SYT2: variants seen among roughly 807,000 people sequenced by gnomAD.
SYT2 encodes synaptotagmin-2.
In SYT2, 15 loss-of-function variants were observed where a neutral mutation model predicts 39.9. The ratio of observed to expected loss-of-function variants is 0.38; its 90% CI spans 0.25 to 0.58. The LOEUF (loss-of-function observed/expected upper bound fraction) is 0.58, where lower values mean the gene tolerates loss of function less well. Among genes scored for constraint, SYT2 ranks in the 20% least tolerant of loss-of-function variants. SYT2 has a pLI of 0.70. For missense variants in SYT2, 389 were observed against 530.3 expected (o/e 0.73, Z 2.62); for synonymous variants, 181 against 204.5 (o/e 0.89, Z 0.98).
At chr1:202,649,437 TA>T (rs1474297786) in intron 1 of SYT2, among the ~76,000 whole-genome samples, 2 of 152,244 alleles carry the variant, frequency 1.3e-5, no homozygotes, top group Non-Finnish European at 2.9e-5. Flanking sequence ...TGCCAGGTAC[TA>T]TTTTAAGGGT....
At chr1:202,697,265 C>A (rs1653995671) in intron 1 of SYT2, among the ~76,000 whole-genome samples, 1 of 152,244 alleles carries the variant, frequency 6.6e-6, no homozygotes, top group Admixed American at 6.5e-5. Context: ...AGTCCTGAGC[C>A]CAGCCGGTAA....
chr1:202,686,124 C>A (rs1273597919), intron 1 of SYT2, among the ~76,000 whole-genome samples: 1 of 152,124 alleles, frequency 6.6e-6, no homozygotes, highest in Non-Finnish European at 1.5e-5. Context: ...TGTGGCCTGG[C>A]GGGAGGTGTT....
intron 1 of SYT2, among the ~76,000 whole-genome samples, chr1:202,626,090 A>G (rs536371767): frequency 6.6e-6 from 1 of 152,292 alleles, no homozygotes; most frequent in East Asian, 1.9e-4. Flanking sequence ...GCTCCAGGGA[A>G]GGGAACGCTG....
chr1:202,659,167 C>T (rs1057404970), intron 1 of SYT2, among the ~76,000 whole-genome samples: 1 of 152,286 alleles, frequency 6.6e-6, no homozygotes, highest in African/African-American at 2.4e-5. Context: ...GTCTCCTTCC[C>T]TGGTGGAAGG....
intron 1 of SYT2, among the ~76,000 whole-genome samples, chr1:202,622,527 T>C (rs916974932): frequency 6.6e-6 from 1 of 151,950 alleles, no homozygotes; most frequent in African/African-American, 2.4e-5. Flanking sequence ...GCAACACTCA[T>C]TTTCCTTCTC....
At chr1:202,681,958 C>T (rs1299887776) in intron 1 of SYT2, among the ~76,000 whole-genome samples, 1 of 152,200 alleles carries the variant, frequency 6.6e-6, no homozygotes, top group Non-Finnish European at 1.5e-5. Context: ...AAAAAGCCAA[C>T]CATGGAGCTG....
intron 1 of SYT2, among the ~76,000 whole-genome samples, chr1:202,706,939 A>G (rs908364708): frequency 1.3e-5 from 2 of 152,254 alleles, no homozygotes; most frequent in African/African-American, 4.8e-5. Flanking sequence ...AAAACTGTGC[A>G]GACATTGTCA....
At chr1:202,679,398 C>A (rs1653470089) in intron 1 of SYT2, among the ~76,000 whole-genome samples, 1 of 152,176 alleles carries the variant, frequency 6.6e-6, no homozygotes, top group Non-Finnish European at 1.5e-5. Flanking sequence ...TTCTTTCCCT[C>A]AAATCAGGCC....
At chr1:202,697,713 G>A (rs759461024) in intron 1 of SYT2, among the ~76,000 whole-genome samples, 1 of 152,196 alleles carries the variant, frequency 6.6e-6, no homozygotes, top group Non-Finnish European at 1.5e-5. Context: ...AACTATGTGT[G>A]CTGATGAGTG....
intron 1 of SYT2, among the ~76,000 whole-genome samples, chr1:202,660,518 C>A (rs1456149694): frequency 6.6e-6 from 1 of 152,182 alleles, no homozygotes; most frequent in African/African-American, 2.4e-5. Flanking sequence ...CTGGAAACTT[C>A]CATAAAGTTC....
chr1:202,598,811 G>A (rs1690391295), intron 8 of SYT2, among the ~76,000 whole-genome samples: 1 of 152,160 alleles, frequency 6.6e-6, no homozygotes, highest in Admixed American at 6.5e-5. Context: ...GGAGTAGATG[G>A]GAAAGACCTA....
intron 1 of SYT2, among the ~76,000 whole-genome samples, chr1:202,699,684 A>G (rs550458267): frequency 6.6e-6 from 1 of 152,358 alleles, no homozygotes; most frequent in East Asian, 1.9e-4. Flanking sequence ...ATTATGATCT[A>G]TAAATTATAC....
At chr1:202,604,745 T>A in intron 2 of SYT2, 124 bp from the exon 3 acceptor site, 1 of 879,664 alleles carries the variant, frequency 1.1e-6, no homozygotes, top group South Asian at 1.8e-5. Context: ...CCCCACATTT[T>A]AAAAGCCACA....
intron 1 of SYT2, among the ~76,000 whole-genome samples, chr1:202,661,856 C>T (rs1692388974): frequency 6.6e-6 from 1 of 152,190 alleles, no homozygotes. Context: ...AAATCTAGTA[C>T]ATTTATTTCA....
rs189500202 is a variant in SYT2 at position 202,654,815 on chromosome 1, G to A, written c.-17-49026C>T. On this transcript the variant is annotated intron_variant, in intron 1 of 8. Transcript: ENST00000367268. ...GCTGGGCCAAAATTAACTAGGCAGC[G>A]AGGTGGGAAGTGTATTCCAGGCAGA... Among the ~76,000 whole-genome samples the A allele has an allele frequency of 1.1e-3, 174 of 152,312 alleles. 1 individual carries two copies. The highest frequency in any genetic ancestry group is 3.3e-3 in the African/African-American group (137 of 41,570).
intron 1 of SYT2, among the ~76,000 whole-genome samples, chr1:202,615,364 G>T (rs1691005322): frequency 6.6e-6 from 1 of 152,126 alleles, no homozygotes; most frequent in South Asian, 2.1e-4. Context: ...CCCAGTACAT[G>T]GCACCAGGTG....
chr1:202,658,194 T>C (rs573679497), intron 1 of SYT2, among the ~76,000 whole-genome samples: 3 of 151,942 alleles, frequency 2.0e-5, no homozygotes, highest in African/African-American at 7.2e-5. Flanking sequence ...TGCAGGTGGG[T>C]GGATGACAAA....
chr1:202,633,768 A>G (rs1390943124), intron 1 of SYT2, among the ~76,000 whole-genome samples: 3 of 152,222 alleles, frequency 2.0e-5, no homozygotes, highest in Non-Finnish European at 4.4e-5. Context: ...CTCCCATCTC[A>G]GCCCTGTCTC....
At chr1:202,700,125 A>G (rs1384534559) in intron 1 of SYT2, among the ~76,000 whole-genome samples, 1 of 152,110 alleles carries the variant, frequency 6.6e-6, no homozygotes, top group Non-Finnish European at 1.5e-5. Context: ...CAACTCCAAG[A>G]AAAGCTCCCC....
Sources: gnomAD v4.1 joint callset for allele counts (sites outside exome capture counted in the v4.1 genomes callset) on GRCh38, gnomAD v4.1.1 for gene constraint, MANE v1.5 for transcripts, NCBI Gene and HGNC (gene_info 2026-07-23, HGNC 2026-07-21) for gene names.